The following CD44 variants were observed in gnomAD, a reference collection of about 807,000 sequenced individuals.
CD44 encodes CD44 molecule (IN blood group), also known as CD44 antigen.
CD44 carries 49 observed loss-of-function variants against 88.8 expected under a neutral mutation model. That is an observed-to-expected ratio of 0.55 (90% CI 0.44 to 0.70). The LOEUF (loss-of-function observed/expected upper bound fraction) is 0.70. CD44 is among the 30% of genes least tolerant of loss of function. CD44 has a pLI of 0.00. For missense variants in CD44, 883 were observed against 913.8 expected (o/e 0.97, Z 0.43); for synonymous variants, 325 against 312.3 (o/e 1.04, Z -0.43).
chr11:35,197,020 T>C, intron 6 of CD44, 146 bp downstream of exon 6: 2 of 728,880 alleles, frequency 2.7e-6, no homozygotes, highest in South Asian at 1.9e-5. Context: ...TTAACTCTGG[T>C]ATCTGTTTGT....
intron 1 of CD44, among the ~76,000 whole-genome samples, chr11:35,168,157 T>C (rs1446892528): frequency 6.6e-6 from 1 of 152,200 alleles, no homozygotes; most frequent in Non-Finnish European, 1.5e-5. Context: ...TAATATTCAA[T>C]AAGCTCAAAT....
At position 35,232,296 on chromosome 11, in the gene CD44, T is replaced by C. The variant is rs554982246; in HGVS notation, c.*2963T>C. On this transcript the variant is annotated 3_prime_UTR_variant, in exon 18 of 18. Transcript: ENST00000428726. ...CCTTCCTCTGGTTTTTGTATATTTA[T>C]TGATGGATCAATAATAATGAGGAAA... 2.2e-4 allele frequency: 33 copies of C among 152,804 alleles called. No individual in the cohort carries two copies. The highest frequency in any genetic ancestry group is 7.5e-4 in the African/African-American group (31 of 41,586). 9.5% of individuals were successfully genotyped at this position (152,804 alleles called of 1,614,324 possible). A position where few individuals can be genotyped will look rare whatever the true frequency, so the allele number is the denominator to read the frequency against.
chr11:35,162,843 G>T (rs756482837), intron 1 of CD44, among the ~76,000 whole-genome samples: 3 of 152,056 alleles, frequency 2.0e-5, no homozygotes, highest in Admixed American at 6.6e-5. Flanking sequence ...AGGAGACCCT[G>T]CTTCTTATGT....
intron 1 of CD44, among the ~76,000 whole-genome samples, chr11:35,153,394 C>G (rs377033504): frequency 6.6e-6 from 1 of 152,132 alleles, no homozygotes; most frequent in Non-Finnish European, 1.5e-5. Context: ...GTCTTGCACA[C>G]CCATATTTGG....
chr11:35,214,364 T>C (rs1948656865), intron 14 of CD44, among the ~76,000 whole-genome samples: 1 of 152,232 alleles, frequency 6.6e-6, no homozygotes, highest in Admixed American at 6.5e-5. Flanking sequence ...AGATTCCTTA[T>C]TGCATACTAA....
At chr11:35,197,087 G>A in intron 6 of CD44, 1 of 494,538 alleles carries the variant, frequency 2.0e-6, no homozygotes, top group Non-Finnish European at 3.6e-6. Context: ...GATTAGTATA[G>A]ACCAGGAGAA....
intron 12 of CD44, among the ~76,000 whole-genome samples, 174 bp from the exon 13 acceptor site, chr11:35,209,791 A>G (rs1175685594): frequency 1.3e-5 from 2 of 152,194 alleles, no homozygotes; most frequent in African/African-American, 2.4e-5. Flanking sequence ...TAGGGGCAAA[A>G]TAGAATTCTT....
intron 15 of CD44, among the ~76,000 whole-genome samples, chr11:35,215,814 G>A (rs1407248596): frequency 1.3e-5 from 2 of 151,722 alleles, no homozygotes; most frequent in African/African-American, 4.9e-5. Flanking sequence ...AGAGTTTGCA[G>A]TGAGCCAAGA....
intron 1 of CD44, among the ~76,000 whole-genome samples, chr11:35,161,310 A>G (rs1207773027): frequency 6.6e-6 from 1 of 152,218 alleles, no homozygotes; most frequent in African/African-American, 2.4e-5. Context: ...TGAGGCTTAA[A>G]GGTTAAGAAA....
chr11:35,167,195 C>T (rs982569054), intron 1 of CD44, among the ~76,000 whole-genome samples: 1 of 152,116 alleles, frequency 6.6e-6, no homozygotes, highest in African/African-American at 2.4e-5. Context: ...AAAGATAGAT[C>T]AGTAGCAACA....
At chr11:35,185,695 G>A (rs1945598467) in intron 3 of CD44, among the ~76,000 whole-genome samples, 2 of 152,144 alleles carry the variant, frequency 1.3e-5, no homozygotes, top group South Asian at 4.1e-4. Context: ...TTTAATTTAA[G>A]TATGCACACA....
At chr11:35,209,156 T>G (rs1438269838) in intron 12 of CD44, among the ~76,000 whole-genome samples, 2 of 152,178 alleles carry the variant, frequency 1.3e-5, no homozygotes, top group Admixed American at 6.5e-5. Context: ...GGGCATGGCT[T>G]ATGGGTGTGC....
chr11:35,206,358 C>T (rs889788011), intron 11 of CD44, 115 bp downstream of exon 11: 5 of 1,038,746 alleles, frequency 4.8e-6, no homozygotes, highest in African/African-American at 1.7e-5. Flanking sequence ...TCCTGAAGGA[C>T]CTGAGGTTCT....
intron 14 of CD44, chr11:35,212,664 T>C (rs903856279): frequency 2.0e-5 from 3 of 152,172 alleles, no homozygotes; most frequent in African/African-American, 7.2e-5. Context: ...ACTTCAGCAA[T>C]ATTGGCAAGA....
chr11:35,143,563 C>T (rs1381531501), intron 1 of CD44, among the ~76,000 whole-genome samples: 2 of 152,132 alleles, frequency 1.3e-5, no homozygotes, highest in African/African-American at 4.8e-5. Flanking sequence ...ATGTTAGACT[C>T]CAATGCTTAT....
At chr11:35,219,267 TG>T in intron 15 of CD44, 48 bp from the exon 16 acceptor site, 2 of 1,403,820 alleles carry the variant, frequency 1.4e-6, no homozygotes, top group East Asian at 4.6e-5. Flanking sequence ...AAGGAACTCA[TG>T]GTTACACATT....
chr11:35,228,043 C>T (rs1949828858), intron 17 of CD44, among the ~76,000 whole-genome samples: 1 of 152,118 alleles, frequency 6.6e-6, no homozygotes, highest in South Asian at 2.1e-4. Flanking sequence ...TCCCTGAATC[C>T]CCATCTTGCT....
intron 1 of CD44, among the ~76,000 whole-genome samples, chr11:35,146,309 A>G (rs1161198019): frequency 6.6e-6 from 1 of 152,210 alleles, no homozygotes; most frequent in Admixed American, 6.5e-5. Context: ...GGGTTGAGGG[A>G]AGAGATTATT....
chr11:35,183,102 A>G (rs1591111317), intron 3 of CD44, among the ~76,000 whole-genome samples: 1 of 152,232 alleles, frequency 6.6e-6, no homozygotes, highest in African/African-American at 2.4e-5. Flanking sequence ...TATGTTCCTT[A>G]CTAAAATGGA....
Sources: gnomAD v4.1 joint callset for allele counts (sites outside exome capture counted in the v4.1 genomes callset) on GRCh38, gnomAD v4.1.1 for gene constraint, MANE v1.5 for transcripts, NCBI Gene and HGNC (gene_info 2026-07-23, HGNC 2026-07-21) for gene names.